The following RGS3 variants were observed in gnomAD, a reference collection of about 807,000 sequenced individuals.
RGS3 encodes regulator of G protein signaling 3.
Under a neutral mutation model 132.6 loss-of-function variants are expected in RGS3, and 80 were observed. The ratio of observed to expected loss-of-function variants is 0.60; its 90% confidence interval spans 0.50 to 0.73. The LOEUF is 0.73. Among genes scored for constraint, RGS3 ranks in the 30% least tolerant of loss-of-function variants. The pLI, the probability that RGS3 is intolerant of heterozygous loss-of-function variation, is 0.00. For synonymous variants in RGS3, 598 were observed against 620.6 expected, an observed-to-expected ratio of 0.96 and a Z score of 0.54; for missense variants, 1,382 against 1,530.8, an observed-to-expected ratio of 0.90 and a Z score of 1.62.
rs1363355880 is a variant in RGS3 at position 113,579,567 on chromosome 9, T to A, written c.2038-3883T>A. ...TTCCAGCACTCTAGACCCAAGGCCC[T>A]GGGTGAGCAAGCTGGTCTTCCTGGG... On this transcript the variant is annotated intron_variant, in intron 19 of 24. Coordinates refer to ENST00000350696, the Ensembl canonical transcript of RGS3. The surrounding 1 kb of genome is among the most constrained non-coding windows in gnomAD (Gnocchi z 4.3). Among the ~76,000 whole-genome samples the A allele has an allele frequency of 6.6e-6, 1 of 152,166 alleles. No homozygotes were observed. Among genetic ancestry groups the A allele is most frequent in the African/African-American group, 2.4e-5 (1 of 41,444 alleles).
intron 3 of RGS3, among the ~76,000 whole-genome samples, chr9:113,470,824 G>A (rs146079683): frequency 4.6e-5 from 7 of 152,242 alleles, no homozygotes; most frequent in African/African-American, 1.7e-4. Context: ...AATTAGCTGG[G>A]CATGATGGTG....
At chr9:113,469,171 G>T (rs1321661357) in intron 3 of RGS3, among the ~76,000 whole-genome samples, 1 of 151,252 alleles carries the variant, frequency 6.6e-6, no homozygotes, top group East Asian at 2.0e-4. Context: ...TCTGTAGTGA[G>T]AGTGAAGCTT....
chr9:113,518,034 C>T (rs181139985), intron 16 of RGS3, among the ~76,000 whole-genome samples: 1 of 152,308 alleles, frequency 6.6e-6, no homozygotes, highest in East Asian at 1.9e-4. Context: ...TAACCCAAAT[C>T]CCATGTCCTC....
chr9:113,576,220 CA>C (rs1834516215), intron 19 of RGS3, among the ~76,000 whole-genome samples: 2 of 151,664 alleles, frequency 1.3e-5, no homozygotes, highest in South Asian at 2.1e-4. Flanking sequence ...AAAACAAAAA[CA>C]AAAAAATGAG....
chr9:113,479,170 C>T (rs1830083486), intron 3 of RGS3: 1 of 358,486 alleles, frequency 2.8e-6, no homozygotes, highest in Admixed American at 4.4e-5. Context: ...TCTCCTACAC[C>T]TTTACCAACA....
intron 18 of RGS3, chr9:113,536,328 C>T: frequency 3.9e-6 from 1 of 254,922 alleles, no homozygotes; most frequent in Non-Finnish European, 6.2e-6. Context: ...ACCACCCGTT[C>T]AGCCTTGGCC....
chr9:113,533,293 C>A (rs1187702461), intron 18 of RGS3, among the ~76,000 whole-genome samples: 1 of 149,894 alleles, frequency 6.7e-6, no homozygotes, highest in Non-Finnish European at 1.5e-5. Context: ...TGCAATGGTG[C>A]GATCTCAGCT....
In RGS3 at chr9:113,537,991, G is replaced by A. The variant is rs1189526450; in HGVS notation, c.2037+1073G>A. Among the ~76,000 whole-genome samples, 1 of 152,216 alleles carries A rather than the reference G, an allele frequency of 6.6e-6. No homozygotes were observed. On this transcript the variant is annotated intron_variant, in intron 19 of 24. Coordinates refer to ENST00000350696, the Ensembl canonical transcript of RGS3. This position sits in a 1 kb window ranked among gnomAD's most constrained non-coding sequence, Gnocchi z 4.3. ...AGTGGCAAGAATAACTTGGATGAGG[G>A]AAGACAGTAGGAAAAGCACGGACTT...
At chr9:113,562,385 G>A (rs2118826227) in intron 19 of RGS3, among the ~76,000 whole-genome samples, 1 of 150,886 alleles carries the variant, frequency 6.6e-6, no homozygotes, top group Admixed American at 6.6e-5. Context: ...GCTGTGGCAT[G>A]AGAATTGCCT....
intron 18 of RGS3, among the ~76,000 whole-genome samples, chr9:113,530,405 T>C (rs1264378526): frequency 6.6e-6 from 1 of 152,222 alleles, no homozygotes; most frequent in East Asian, 1.9e-4. Context: ...CAAGAGGGCA[T>C]TGGATGTCCT....
At chr9:113,562,476 CAAAAA>C (rs1184135248) in intron 19 of RGS3, among the ~76,000 whole-genome samples, 2 of 68,538 alleles carry the variant, frequency 2.9e-5, no homozygotes, top group Admixed American at 1.6e-4. Flanking sequence ...GACTCTGTCT[CAAAAA>C]AAAAAAAAAA....
intron 19 of RGS3, among the ~76,000 whole-genome samples, chr9:113,574,380 C>A (rs1485633096): frequency 6.6e-6 from 1 of 152,198 alleles, no homozygotes; most frequent in Non-Finnish European, 1.5e-5. Context: ...GTTGTCCCTG[C>A]TGCCTCTACT....
intron 3 of RGS3, among the ~76,000 whole-genome samples, chr9:113,464,304 C>T (rs1294770181): frequency 1.3e-5 from 2 of 152,240 alleles, no homozygotes; most frequent in African/African-American, 2.4e-5. Context: ...TTTGGCCCTG[C>T]TGCCTTGTGG....
chr9:113,573,397 A>G (rs1834372106), intron 19 of RGS3, among the ~76,000 whole-genome samples: 1 of 152,184 alleles, frequency 6.6e-6, no homozygotes, highest in Non-Finnish European at 1.5e-5. Flanking sequence ...GGGCACCACC[A>G]TGGGCTACTG....
chr9:113,462,231 A>G, intron 3 of RGS3: 2 of 1,353,672 alleles, frequency 1.5e-6, no homozygotes, highest in Non-Finnish European at 2.0e-6. Context: ...GCTTGAGGCT[A>G]GGAGAGTGGA....
chr9:113,543,566 C>T (rs904053520), intron 19 of RGS3, among the ~76,000 whole-genome samples: 1 of 152,218 alleles, frequency 6.6e-6, no homozygotes, highest in African/African-American at 2.4e-5. Context: ...GCACAGACAG[C>T]AAGCTGCACT....
At chr9:113,458,132 G>C (rs947329108), upstream of RGS3, among the ~76,000 whole-genome samples, 2 of 152,198 alleles carry the variant, frequency 1.3e-5, no homozygotes, top group African/African-American at 4.8e-5. Context: ...GCTCAGGCTG[G>C]TCTCAAACTC....
chr9:113,445,870 G>C lies in RGS3; in HGVS notation c.-13+943G>C, dbSNP rs556416182. Among the ~76,000 whole-genome samples, 150 of 152,168 alleles carry C rather than the reference G, an allele frequency of 9.9e-4. 1 individual carries two copies. Among genetic ancestry groups the C allele is most frequent in the South Asian group, 4.6e-3 (22 of 4,822 alleles). On this transcript the variant is annotated intron_variant, in intron 1 of 25. Coordinates refer to the RGS3 transcript ENST00000374140. ...ATTTTTGTATTTTTAGTAGAGACAG[G>C]GTTTCTCCATGTTGGGCAGGTTGGA...
chr9:113,533,161 A>G (rs1347137194), intron 18 of RGS3, among the ~76,000 whole-genome samples: 2 of 152,112 alleles, frequency 1.3e-5, no homozygotes, highest in Admixed American at 6.5e-5. Context: ...AAATGGGGAC[A>G]ACAATCCATG....
Sources: allele counts gnomAD v4.1 joint callset (sites outside exome capture counted in the v4.1 genomes callset), GRCh38; gene constraint gnomAD v4.1.1; non-coding constraint Gnocchi (gnomAD v3.1); transcripts MANE v1.5; gene names NCBI Gene and HGNC (gene_info 2026-07-23, HGNC 2026-07-21).